Variants in UGT2B15 observed in about 807,000 individuals in gnomAD.
UGT2B15 encodes the protein UDP-glucuronosyltransferase 2B15.
Under a neutral mutation model 45.9 loss-of-function variants are expected in UGT2B15, and 36 were observed. The ratio of observed to expected loss-of-function variants is 0.78; its 90% CI spans 0.60 to 1.04. The LOEUF is 1.04. Ranked by LOEUF, UGT2B15 falls within the 50% of genes least tolerant of loss-of-function variation. The pLI, the probability that UGT2B15 is intolerant of heterozygous loss-of-function variation, is 0.00. For synonymous variants in UGT2B15, 219 were observed against 216.4 expected (o/e 1.01, Z -0.11); for missense variants, 617 against 622.4 (o/e 0.99, Z 0.09).
Position 68,670,370 on chromosome 4 carries a change from TTTAG to T in UGT2B15, c.245_248del (p.Thr82LysfsTer9). 1 of 1,613,284 alleles carries T rather than the reference TTTAG, an allele frequency of 6.2e-7. No homozygotes were observed. The highest frequency in any genetic ancestry group is 8.5e-7 in the Non-Finnish European group (1 of 1,179,850). On this transcript the variant is annotated frameshift_variant, in exon 1 of 6. Coordinates refer to ENST00000338206, the MANE Select transcript of UGT2B15 (RefSeq NM_001076.4). LOFTEE classifies it high-confidence loss of function. ...TCAGAAGAGAATCTTCCAAATAATT[TTTAG>T]TTAAAGATGTAGGATAAACTTCTAA...
chr4:68,663,526 C>T (rs1293814166), intron 2 of UGT2B15, among the ~76,000 whole-genome samples: 1 of 151,788 alleles, frequency 6.6e-6, no homozygotes, highest in East Asian at 1.9e-4. Context: ...TTTTGTGGTT[C>T]TACTAAATCT....
At chr4:68,653,331 C>G (rs561220195) in intron 5 of UGT2B15, among the ~76,000 whole-genome samples, 10 of 151,900 alleles carry the variant, frequency 6.6e-5, no homozygotes, top group African/African-American at 2.2e-4. Context: ...TCTGATACAT[C>G]CTACAACATA....
chr4:68,664,051 C>A (rs7664266), intron 2 of UGT2B15, among the ~76,000 whole-genome samples: 54,691 of 151,724 alleles, frequency 0.36, 11,442 homozygotes, highest in South Asian at 0.52. Flanking sequence ...TCACAGGGGG[C>A]ACTTGAACCA....
chr4:68,670,635 G>C lies in UGT2B15; in HGVS notation c.-17C>G. 6.5e-7 allele frequency: 1 copy of C among 1,532,272 alleles called. No individual in the cohort carries two copies. Among genetic ancestry groups the C allele is most frequent in the Non-Finnish European group, 8.7e-7 (1 of 1,145,430 alleles). 94.9% of individuals were successfully genotyped at this position (1,532,272 alleles called of 1,614,324 possible). On this transcript the variant is annotated 5_prime_UTR_variant, in exon 1 of 6. Coordinates refer to ENST00000338206, the MANE Select transcript of UGT2B15 (RefSeq NM_001076.4). ...CAGAGACATCCTGGTCTTATGCAAT[G>C]CTTCTTTTCCAGTTGTTGTTTCTTT...
chr4:68,657,591 T>A (rs1313281173), intron 3 of UGT2B15, among the ~76,000 whole-genome samples: 1 of 152,088 alleles, frequency 6.6e-6, no homozygotes, highest in Non-Finnish European at 1.5e-5. Context: ...ACTTGGTAGG[T>A]TTTATGACAC....
intron 1 of UGT2B15, among the ~76,000 whole-genome samples, chr4:68,668,431 T>C (rs540594231): frequency 6.6e-6 from 1 of 152,210 alleles, no homozygotes; most frequent in East Asian, 1.9e-4. Context: ...TAAGAAGAAA[T>C]CACATCTTTA....
intron 3 of UGT2B15, among the ~76,000 whole-genome samples, chr4:68,657,794 T>A (rs1038198756): frequency 2.6e-5 from 4 of 152,096 alleles, no homozygotes; most frequent in African/African-American, 9.7e-5. Flanking sequence ...ATTCAACAGG[T>A]TTTTGTCTGC....
chr4:68,660,435 C>G (rs1732930394), intron 3 of UGT2B15, among the ~76,000 whole-genome samples: 1 of 151,868 alleles, frequency 6.6e-6, no homozygotes, highest in Non-Finnish European at 1.5e-5. Context: ...TTAAAAAAGT[C>G]CTATCTGAGA....
At chr4:68,654,673 T>C (rs1438914671) in intron 4 of UGT2B15, among the ~76,000 whole-genome samples, 2 of 152,000 alleles carry the variant, frequency 1.3e-5, no homozygotes, top group Non-Finnish European at 2.9e-5. Context: ...CATTTTATCA[T>C]GATAAAGATT....
At chr4:68,661,330 G>A (rs1732960192) in intron 3 of UGT2B15, among the ~76,000 whole-genome samples, 1 of 151,736 alleles carries the variant, frequency 6.6e-6, no homozygotes, top group Admixed American at 6.6e-5. Context: ...GCTTCAAGTT[G>A]GCAAAAATAA....
At chr4:68,661,151 G>C (rs1732954120) in intron 3 of UGT2B15, among the ~76,000 whole-genome samples, 2 of 151,912 alleles carry the variant, frequency 1.3e-5, no homozygotes, top group Admixed American at 1.3e-4. Context: ...TTCTCCAAAA[G>C]ATTTTTTTTA....
chr4:68,661,352 G>A (rs1218595498), intron 3 of UGT2B15, among the ~76,000 whole-genome samples: 6 of 151,876 alleles, frequency 4.0e-5, no homozygotes, highest in Non-Finnish European at 7.4e-5. Flanking sequence ...CTTTCTAAAT[G>A]TACTGAGACC....
chr4:68,647,404 T>C, intron 5 of UGT2B15, 21 bp from the exon 6 acceptor site: 2 of 1,593,680 alleles, frequency 1.3e-6, no homozygotes, highest in Non-Finnish European at 1.7e-6. Context: ...AATATAAAGA[T>C]ATCAACATTA....
At position 68,670,418 on chromosome 4, in the gene UGT2B15, A is replaced by G. The variant is rs1274072851; in HGVS notation, c.201T>C (p.Ser67=). 6.2e-6 allele frequency: 10 copies of G among 1,613,830 alleles called. No individual in the cohort carries two copies. Among genetic ancestry groups the G allele is most frequent in the Non-Finnish European group, 8.5e-6 (10 of 1,179,984 alleles). The change falls in exon 1 of 6, where the codon AGT becomes AGC. Residue 67 remains serine, a synonymous_variant. Transcript: ENST00000338206. The part of the protein sequence containing the change: ...TSSASTLVNA[S]KSSAIKLEVY... ...CTTCTAATTTAATAGCAGATGATTTACTGGCATTGACAAGAGTAGAAGCCG... is the reference window on the plus strand; with the variant it reads ...CTTCTAATTTAATAGCAGATGATTTGCTGGCATTGACAAGAGTAGAAGCCG...
intron 3 of UGT2B15, among the ~76,000 whole-genome samples, chr4:68,655,812 C>T (rs952867905): frequency 6.6e-6 from 1 of 152,036 alleles, no homozygotes; most frequent in Non-Finnish European, 1.5e-5. Flanking sequence ...ATCAGGACCT[C>T]CTGAGGCTGT....
At chr4:68,653,833 C>A (rs1732723975) in intron 5 of UGT2B15, among the ~76,000 whole-genome samples, 1 of 151,858 alleles carries the variant, frequency 6.6e-6, no homozygotes, top group Non-Finnish European at 1.5e-5. Context: ...TAATTCATTG[C>A]AGTCATTGGT....
At chr4:68,666,917 T>C (rs1326467225) in intron 2 of UGT2B15, among the ~76,000 whole-genome samples, 1 of 151,542 alleles carries the variant, frequency 6.6e-6, no homozygotes, top group Admixed American at 6.6e-5. Flanking sequence ...TGGCTAACTT[T>C]TGTATTTTTA....
Position 68,670,429 on chromosome 4 carries a change from C to G in UGT2B15, c.190G>C (p.Val64Leu), listed in dbSNP as rs1733276811. ...TVLTSSASTL[V>L]NASKSSAIKL... ...ATAGCAGATGATTTACTGGCATTGA[C>G]AAGAGTAGAAGCCGAAGATGTCAAC... The change falls in exon 1 of 6, where the codon GTC becomes CTC. Residue 64 changes from valine (V) to leucine (L), a missense_variant. Physicochemically the swap from Val to Leu is conservative, Grantham distance 32. Coordinates refer to ENST00000338206, the MANE Select transcript of UGT2B15 (RefSeq NM_001076.4). The G allele has an allele frequency of 6.2e-7, 1 of 1,613,726 alleles. No individual in the cohort carries two copies.
At chr4:68,650,286 C>G (rs34735876) in intron 5 of UGT2B15, among the ~76,000 whole-genome samples, 26,744 of 151,864 alleles carry the variant, frequency 0.18, 2,965 homozygotes, top group Non-Finnish European at 0.23. Flanking sequence ...CATGTATTAG[C>G]TATTTGTCCT....
Sources: allele counts gnomAD v4.1 joint callset (sites outside exome capture counted in the v4.1 genomes callset), GRCh38; gene constraint gnomAD v4.1.1; transcripts MANE v1.5; gene names NCBI Gene and HGNC (gene_info 2026-07-23, HGNC 2026-07-21).